ABLIM2: variants seen among roughly 807,000 people sequenced by gnomAD.
ABLIM2 encodes actin-binding LIM protein 2.
In ABLIM2, 53 loss-of-function variants were observed where a neutral mutation model predicts 97.7. That is an observed-to-expected ratio of 0.54 (90% CI 0.44 to 0.68). The LOEUF (loss-of-function observed/expected upper bound fraction) is 0.68, where lower values mean the gene tolerates loss of function less well. Among genes scored for constraint, ABLIM2 ranks in the 30% least tolerant of loss-of-function variants. The pLI, the probability that ABLIM2 is intolerant of heterozygous loss-of-function variation, is 0.00. For missense variants in ABLIM2, 835 were observed against 867.2 expected (o/e 0.96, Z 0.47); for synonymous variants, 361 against 345.8 (o/e 1.04, Z -0.49).
intron 14 of ABLIM2, 74 bp from the exon 15 acceptor site, chr4:8,009,176 T>A: frequency 1.3e-6 from 2 of 1,566,876 alleles, no homozygotes; most frequent in Non-Finnish European, 1.8e-6. Context: ...TTTCCCATGT[T>A]ACAGTTATGC....
rs996439468 is a variant in ABLIM2, at chr4:8,122,065, G to T, written c.11-15428C>A. On this transcript the variant is annotated intron_variant, in intron 1 of 20. Transcript: ENST00000447017. This position sits in a 1 kb window ranked among gnomAD's most constrained non-coding sequence, Gnocchi z 4.1. ...GCAGCTGCTGTGGTACATGTCCCCA[G>T]TGCAGGGACCTGGCAGGCTAGGGGA... 6.6e-6 allele frequency among the ~76,000 whole-genome samples: 1 copy of T among 152,192 alleles called. No homozygotes were observed. The highest frequency in any genetic ancestry group is 6.5e-5 in the Admixed American group (1 of 15,280).
chr4:8,025,731 G>A (rs1322195771), intron 12 of ABLIM2, among the ~76,000 whole-genome samples: 4 of 152,134 alleles, frequency 2.6e-5, no homozygotes, highest in South Asian at 2.1e-4. Context: ...GCCTGCCCTC[G>A]GCTCTGGCCA....
chr4:8,081,233 C>T (rs3817329), intron 4 of ABLIM2, among the ~76,000 whole-genome samples: 44,414 of 152,024 alleles, frequency 0.29, 6,593 homozygotes, highest in African/African-American at 0.32. Flanking sequence ...GGAGCTCTCC[C>T]GCCACACCCA....
chr4:8,139,250 GGGGAATGGAA>G (rs1850609037), intron 1 of ABLIM2, among the ~76,000 whole-genome samples: 1 of 149,628 alleles, frequency 6.7e-6, no homozygotes, highest in East Asian at 1.9e-4. Flanking sequence ...GGGGAGGGGA[GGGGAATGGAA>G]GGGAAGGGAA....
intron 2 of ABLIM2, among the ~76,000 whole-genome samples, chr4:8,098,051 A>G (rs1832613606): frequency 6.6e-6 from 1 of 152,160 alleles, no homozygotes; most frequent in African/African-American, 2.4e-5. Context: ...ACCAGCTCAG[A>G]GGCCCCCAGT....
Position 7,992,429 on chromosome 4 carries a change from G to A in ABLIM2, c.1680+437C>T, listed in dbSNP as rs1461688277. On this transcript the variant is annotated intron_variant, in intron 17 of 20. Coordinates refer to ENST00000447017, the MANE Select transcript of ABLIM2 (RefSeq NM_001130083.2). The surrounding 1 kb of genome is among the most constrained non-coding windows in gnomAD (Gnocchi z 5.7). ...ATTATTTGGTGTCATCACGGTAACAGTAATAGCAGGGAAGGCCAGGGCATC... is the reference window on the plus strand; with the variant it reads ...ATTATTTGGTGTCATCACGGTAACAATAATAGCAGGGAAGGCCAGGGCATC... Among the ~76,000 whole-genome samples the A allele has an allele frequency of 6.6e-6, 1 of 152,228 alleles. No individual in the cohort carries two copies. The highest frequency in any genetic ancestry group is 1.5e-5 in the Non-Finnish European group (1 of 68,044).
intron 20 of ABLIM2, among the ~76,000 whole-genome samples, chr4:7,974,382 C>CCAAT (rs1730986337): frequency 9.3e-6 from 1 of 107,386 alleles, no homozygotes; most frequent in Non-Finnish European, 2.3e-5. Flanking sequence ...CATCCATCCA[C>CCAAT]CCATCCACCC....
chr4:8,138,908 C>A (rs1416431165), intron 1 of ABLIM2, among the ~76,000 whole-genome samples: 2 of 152,220 alleles, frequency 1.3e-5, no homozygotes, highest in Non-Finnish European at 2.9e-5. Flanking sequence ...AAGAAACTAT[C>A]ATCAGAGACT....
chr4:8,091,367 T>TATATATA (rs1827689293), intron 3 of ABLIM2, among the ~76,000 whole-genome samples: 3 of 54,052 alleles, frequency 5.6e-5, no homozygotes, highest in Admixed American at 3.5e-4. Flanking sequence ...ATATATATTA[T>TATATATA]ATTACATATA....
intron 9 of ABLIM2, among the ~76,000 whole-genome samples, chr4:8,037,980 C>T (rs1045350187): frequency 6.6e-6 from 1 of 152,344 alleles, no homozygotes; most frequent in Non-Finnish European, 1.5e-5. Flanking sequence ...TTGCCCCTGC[C>T]TGTCCCCTTC....
At chr4:7,984,160 G>C (rs931467643) in intron 18 of ABLIM2, among the ~76,000 whole-genome samples, 1 of 152,204 alleles carries the variant, frequency 6.6e-6, no homozygotes, top group Non-Finnish European at 1.5e-5. Context: ...AGCCAGTCTC[G>C]GAAGGGAGAC....
At chr4:8,145,326 G>C (rs1353813439) in intron 1 of ABLIM2, among the ~76,000 whole-genome samples, 5 of 152,014 alleles carry the variant, frequency 3.3e-5, no homozygotes, top group African/African-American at 1.2e-4. Flanking sequence ...TGGGATTACA[G>C]GCACACACCA....
chr4:8,053,045 T>C (rs557138963), intron 8 of ABLIM2, among the ~76,000 whole-genome samples: 1 of 152,310 alleles, frequency 6.6e-6, no homozygotes, highest in East Asian at 1.9e-4. Flanking sequence ...TAGACCACCC[T>C]TGGGTCACAG....
At position 8,130,860 on chromosome 4, in the gene ABLIM2, T is replaced by C. The variant is rs1849255142; in HGVS notation, c.11-24223A>G. Among the ~76,000 whole-genome samples, 1 of 152,186 alleles carries C rather than the reference T, an allele frequency of 6.6e-6. No individual in the cohort carries two copies. ...CGAAGGCTCTAGGGCAGGCTGTCCT[T>C]GCCTTGCCTGGCTGCTGGGGCGGCC... On this transcript the variant is annotated intron_variant, in intron 1 of 20. Coordinates refer to ENST00000447017, the MANE Select transcript of ABLIM2 (RefSeq NM_001130083.2). The surrounding 1 kb of genome is among the most constrained non-coding windows in gnomAD (Gnocchi z 4.2).
chr4:8,027,701 C>G, intron 12 of ABLIM2, 58 bp downstream of exon 12: 1 of 1,374,576 alleles, frequency 7.3e-7, no homozygotes, highest in Non-Finnish European at 9.7e-7. Context: ...AGCGAGCACA[C>G]AGACGCCGGG....
rs1161649932 is a variant in ABLIM2 at position 8,087,307 on chromosome 4, A to G, written c.454+862T>C. ...CCGGCAGAGCCACCCCAGCTGGGAA[A>G]GGCCACCTGGCTGCCCACTCCTTGC... is the stretch of plus-strand genomic sequence containing the variant. On this transcript the variant is annotated intron_variant, in intron 4 of 20. Coordinates refer to ENST00000447017, the MANE Select transcript of ABLIM2 (RefSeq NM_001130083.2). The surrounding 1 kb of genome is among the most constrained non-coding windows in gnomAD (Gnocchi z 4.6). Among the ~76,000 whole-genome samples the G allele has an allele frequency of 6.6e-6, 1 of 152,188 alleles. No homozygotes were observed. The highest frequency in any genetic ancestry group is 1.5e-5 in the Non-Finnish European group (1 of 68,030).
rs1345127733 is a variant in ABLIM2 at position 8,113,937 on chromosome 4, G to T, written c.11-7300C>A. Among the ~76,000 whole-genome samples, 1 of 151,668 alleles carries T rather than the reference G, an allele frequency of 6.6e-6. No individual in the cohort carries two copies. The highest frequency in any genetic ancestry group is 2.4e-5 in the African/African-American group (1 of 41,256). On this transcript the variant is annotated intron_variant, in intron 1 of 20. Transcript: ENST00000447017. This position sits in a 1 kb window ranked among gnomAD's most constrained non-coding sequence, Gnocchi z 4.5. ...ACAGGGCTGTGTGCAGGCACAGCAG[G>T]GAGATGAACCTGTGTACAATCAGGG...
chr4:8,076,279 C>T (rs953065727), intron 6 of ABLIM2, among the ~76,000 whole-genome samples: 15 of 152,250 alleles, frequency 9.9e-5, no homozygotes, highest in Non-Finnish European at 1.0e-4. Flanking sequence ...CTGCCTTTTT[C>T]TTGCCAGAAA....
At position 8,106,489 on chromosome 4, in the gene ABLIM2, C is replaced by A. The variant is rs1480409491; in HGVS notation, c.154+5G>T. ...CCACACTGCAGGGGACCGGGGGACA[C>A]TCACCTTTACAGACGAAGCACTTGA... On this transcript the variant is annotated splice_donor_5th_base_variant and intron_variant, in intron 2 of 20. Transcript: ENST00000447017. 1.3e-6 allele frequency: 2 copies of A among 1,591,006 alleles called. No homozygotes were observed. Among genetic ancestry groups the A allele is most frequent in the Non-Finnish European group, 1.7e-6 (2 of 1,168,766 alleles).
Sources: gnomAD v4.1 joint callset for allele counts (sites outside exome capture counted in the v4.1 genomes callset) on GRCh38, gnomAD v4.1.1 for gene constraint, Gnocchi (gnomAD v3.1) non-coding constraint, MANE v1.5 for transcripts, NCBI Gene and HGNC (gene_info 2026-07-23, HGNC 2026-07-21) for gene names.